Variants in THSD7B observed in about 807,000 individuals in gnomAD.
THSD7B encodes the protein thrombospondin type 1 domain containing 7B, also known as thrombospondin type-1 domain-containing protein 7B.
A neutral mutation model predicts 213.6 loss-of-function variants in THSD7B; 138 were observed. That is an observed-to-expected ratio of 0.65 (90% CI 0.56 to 0.74). The LOEUF (loss-of-function observed/expected upper bound fraction) is 0.74, where lower values mean the gene tolerates loss of function less well. Ranked by LOEUF, THSD7B falls within the 30% of genes least tolerant of loss-of-function variation. The probability of loss-of-function intolerance (pLI) is 0.00; values close to 1 mark genes in which losing one functional copy is unlikely to be tolerated. For missense variants in THSD7B, 1,931 were observed against 1,991.5 expected (o/e 0.97, Z 0.58); for synonymous variants, 742 against 687.0 (o/e 1.08, Z -1.25).
intron 6 of THSD7B, among the ~76,000 whole-genome samples, chr2:137,160,587 A>T (rs1680001323): frequency 6.6e-6 from 1 of 152,144 alleles, no homozygotes; most frequent in Non-Finnish European, 1.5e-5. Context: ...CTCATAGCTG[A>T]CTACTACTCT....
At chr2:137,338,553 A>G (rs1236735462) in intron 12 of THSD7B, among the ~76,000 whole-genome samples, 4 of 152,136 alleles carry the variant, frequency 2.6e-5, no homozygotes, top group African/African-American at 9.7e-5. Flanking sequence ...GTCTACATAC[A>G]TAAAACTAAG....
chr2:136,829,441 A>G (rs1426380077), intron 1 of THSD7B, among the ~76,000 whole-genome samples: 4 of 152,096 alleles, frequency 2.6e-5, no homozygotes. Context: ...CTTGGAGAGG[A>G]CAGGCTTAAA....
At chr2:137,314,186 C>G (rs1255964749) in intron 12 of THSD7B, among the ~76,000 whole-genome samples, 1 of 152,170 alleles carries the variant, frequency 6.6e-6, no homozygotes, top group East Asian at 1.9e-4. Context: ...TCCCATATTT[C>G]TTGGAGGCTT....
chr2:137,267,503 C>T (rs907316639), intron 10 of THSD7B, among the ~76,000 whole-genome samples: 14 of 151,688 alleles, frequency 9.2e-5, no homozygotes, highest in African/African-American at 3.1e-4. Context: ...TACCTCCCCC[C>T]CAAATCCCCC....
intron 15 of THSD7B, among the ~76,000 whole-genome samples, chr2:137,485,719 C>G (rs1013849774): frequency 2.0e-5 from 3 of 152,000 alleles, no homozygotes; most frequent in Admixed American, 6.6e-5. Context: ...TGAAATGAAG[C>G]AAAAAATGTT....
chr2:137,246,221 C>A (rs1573909589), intron 10 of THSD7B, among the ~76,000 whole-genome samples: 2 of 152,254 alleles, frequency 1.3e-5, no homozygotes, highest in African/African-American at 4.8e-5. Context: ...CAGAAGAACT[C>A]CTTTTTTTGT....
At chr2:137,400,778 A>T (rs1357674539) in intron 12 of THSD7B, among the ~76,000 whole-genome samples, 1 of 152,114 alleles carries the variant, frequency 6.6e-6, no homozygotes, top group Non-Finnish European at 1.5e-5. Context: ...CTTTCCTGGG[A>T]GAAGTGCTCG....
chr2:137,045,889 A>C (rs1316729538), intron 2 of THSD7B, among the ~76,000 whole-genome samples: 2 of 152,140 alleles, frequency 1.3e-5, no homozygotes, highest in Non-Finnish European at 2.9e-5. Flanking sequence ...TTGCAAAAGG[A>C]TTTGTGAAAA....
chr2:137,088,852 C>T (rs1402778429), intron 3 of THSD7B, among the ~76,000 whole-genome samples: 1 of 151,864 alleles, frequency 6.6e-6, no homozygotes, highest in Admixed American at 6.6e-5. Flanking sequence ...TACAAATGGC[C>T]AACAAACATT....
At chr2:137,035,171 T>G (rs2104856176) in intron 2 of THSD7B, among the ~76,000 whole-genome samples, 1 of 152,322 alleles carries the variant, frequency 6.6e-6, no homozygotes, top group East Asian at 1.9e-4. Context: ...TTGGAAGTTG[T>G]GTGTCTCTTA....
chr2:137,594,212 A>T (rs189950682), intron 17 of THSD7B, among the ~76,000 whole-genome samples: 5 of 152,004 alleles, frequency 3.3e-5, no homozygotes, highest in African/African-American at 1.2e-4. Flanking sequence ...ATCTAGGCTT[A>T]TATCTCCTGC....
chr2:137,670,852 C>T (rs994576545), intron 27 of THSD7B, among the ~76,000 whole-genome samples: 2 of 142,718 alleles, frequency 1.4e-5, no homozygotes, highest in African/African-American at 5.3e-5. Context: ...ACCCGGGAGG[C>T]GGAGCTTGCA....
intron 12 of THSD7B, among the ~76,000 whole-genome samples, chr2:137,402,824 A>AC (rs888217576): frequency 6.6e-6 from 1 of 152,022 alleles, no homozygotes; most frequent in African/African-American, 2.4e-5. Flanking sequence ...TCAAAAAAAA[A>AC]AAAAAAAAAA....
intron 12 of THSD7B, among the ~76,000 whole-genome samples, chr2:137,324,656 C>T (rs2104883940): frequency 6.6e-6 from 1 of 152,206 alleles, no homozygotes; most frequent in East Asian, 1.9e-4. Context: ...GCTTTTCAAC[C>T]TTTGGGGACA....
intron 7 of THSD7B, among the ~76,000 whole-genome samples, chr2:137,218,811 T>A (rs969608626): frequency 5.3e-5 from 8 of 152,236 alleles, no homozygotes; most frequent in African/African-American, 1.9e-4. Context: ...TGTGAAGATC[T>A]TATTTTTTAC....
chr2:136,903,090 A>G (rs1684089161), intron 2 of THSD7B, among the ~76,000 whole-genome samples: 1 of 152,222 alleles, frequency 6.6e-6, no homozygotes, highest in African/African-American at 2.4e-5. Context: ...GTGAAAGTTA[A>G]TGTAGCATTT....
chr2:136,792,575 G>A (rs75608766), intron 1 of THSD7B, among the ~76,000 whole-genome samples: 1 of 152,148 alleles, frequency 6.6e-6, no homozygotes, highest in East Asian at 1.9e-4. Context: ...GTACCACTGT[G>A]GGTGGAATGC....
chr2:136,900,806 C>T (rs511166), intron 2 of THSD7B, among the ~76,000 whole-genome samples: 145,782 of 152,298 alleles, frequency 0.96, 69,859 homozygotes, highest in Admixed American at 0.98. Flanking sequence ...GGCTCAAATT[C>T]TGATGAAAGA....
intron 1 of THSD7B, among the ~76,000 whole-genome samples, chr2:136,769,309 A>G (rs1681464569): frequency 6.6e-6 from 1 of 152,224 alleles, no homozygotes; most frequent in Non-Finnish European, 1.5e-5. Flanking sequence ...GGCTAGTTAT[A>G]CAAAATATAG....
Sources: gnomAD v4.1 joint callset for allele counts (sites outside exome capture counted in the v4.1 genomes callset) on GRCh38, gnomAD v4.1.1 for gene constraint, MANE v1.5 for transcripts, NCBI Gene and HGNC (gene_info 2026-07-23, HGNC 2026-07-21) for gene names.